The following HHIPL2 variants were observed in gnomAD, a reference collection of about 807,000 sequenced individuals.
HHIPL2 encodes the protein HHIP like 2.
A neutral mutation model predicts 61.0 loss-of-function variants in HHIPL2; 61 were observed. The ratio of observed to expected loss-of-function variants is 1.00; its 90% CI spans 0.81 to 1.24. The LOEUF is 1.24. Among genes scored for constraint, HHIPL2 ranks in the 50% most tolerant of loss-of-function variants. HHIPL2 has a pLI of 0.00. For synonymous variants in HHIPL2, 343 were observed against 357.4 expected, an observed-to-expected ratio of 0.96 and a Z score of 0.45; for missense variants, 885 against 910.2, an observed-to-expected ratio of 0.97 and a Z score of 0.36.
chr1:222,538,417 GAGAGAC>G (rs1237278635), intron 5 of HHIPL2, among the ~76,000 whole-genome samples: 3 of 120,996 alleles, frequency 2.5e-5, no homozygotes, highest in African/African-American at 1.0e-4. Flanking sequence ...TGGTATGAGA[GAGAGAC>G]AGAGAGAGAG....
At chr1:222,546,520 T>C (rs1409976913) in intron 1 of HHIPL2, among the ~76,000 whole-genome samples, 1 of 152,256 alleles carries the variant, frequency 6.6e-6, no homozygotes, top group Non-Finnish European at 1.5e-5. Context: ...ACAGAGCTGC[T>C]GACTTTGACT....
At chr1:222,544,928 T>C (rs1021382824) in intron 1 of HHIPL2, among the ~76,000 whole-genome samples, 2 of 152,262 alleles carry the variant, frequency 1.3e-5, no homozygotes. Context: ...CAGTGTTTAA[T>C]ATATGCAAAG....
chr1:222,533,528 C>G (rs1230817807), intron 5 of HHIPL2, among the ~76,000 whole-genome samples: 1 of 152,000 alleles, frequency 6.6e-6, no homozygotes, highest in Non-Finnish European at 1.5e-5. Context: ...AGGACCTGAC[C>G]AATTAGTAAC....
chr1:222,547,793 G>A lies in HHIPL2; in HGVS notation c.252C>T (p.Asp84=). The part of the protein sequence containing the change: ...KDRRIAARYW[D]IMEYFDLKRH... ...TCTTCAGATCAAAATATTCCATGATGTCCCAGTACCGGGCAGCGATGCGGC... is the reference window on the plus strand; with the variant it reads ...TCTTCAGATCAAAATATTCCATGATATCCCAGTACCGGGCAGCGATGCGGC... The change falls in exon 1 of 9, where the codon GAC becomes GAT. Residue 84 remains aspartate (D), a synonymous_variant. Coordinates refer to ENST00000343410, the MANE Select transcript of HHIPL2 (RefSeq NM_024746.4). 1.2e-6 allele frequency: 2 copies of A among 1,614,166 alleles called. No homozygotes were observed. Among genetic ancestry groups the A allele is most frequent in the South Asian group, 1.1e-5 (1 of 91,090 alleles).
chr1:222,528,819 A>ATT (rs1659127047), intron 6 of HHIPL2, among the ~76,000 whole-genome samples: 1 of 123,406 alleles, frequency 8.1e-6, no homozygotes, highest in African/African-American at 3.7e-5. Context: ...TTAAACAACT[A>ATT]ATTTTTTTTT....
chr1:222,522,478 C>G lies in HHIPL2; in HGVS notation c.*123G>C, dbSNP rs1658971822. The G allele has an allele frequency of 3.9e-6, 4 of 1,016,076 alleles. No homozygotes were observed. The highest frequency in any genetic ancestry group is 5.8e-6 in the Non-Finnish European group (4 of 691,454). 62.9% of individuals were successfully genotyped at this position (1,016,076 alleles called of 1,614,324 possible). A position where few individuals can be genotyped will look rare whatever the true frequency, so the allele number is the denominator to read the frequency against. ...GCAAGATTTCCCAGGGAGAGGAAAA[C>G]CGCCCTGCCCCACCTCTACCCTGGC... On this transcript the variant is annotated 3_prime_UTR_variant, in exon 9 of 9. Transcript: ENST00000343410.
Position 222,522,370 on chromosome 1 carries a change from C to A in HHIPL2, c.*231G>T. The A allele has an allele frequency of 1.7e-6, 1 of 572,466 alleles. No individual in the cohort carries two copies. Among genetic ancestry groups the A allele is most frequent in the Non-Finnish European group, 3.1e-6 (1 of 322,140 alleles). The allele number at this position is 572,466 out of a possible 1,614,324, so 35.5% of individuals were successfully genotyped here. On this transcript the variant is annotated 3_prime_UTR_variant, in exon 9 of 9. Coordinates refer to ENST00000343410, the MANE Select transcript of HHIPL2 (RefSeq NM_024746.4). ...GCTCATGGACTAGTGCTTACCATAA[C>A]CCAGGTGCACCAGCAATCTGGGATA...
intron 8 of HHIPL2, 38 bp downstream of exon 8, chr1:222,523,574 C>T (rs1658999329): frequency 1.3e-6 from 2 of 1,591,616 alleles, no homozygotes; most frequent in Non-Finnish European, 1.7e-6. Context: ...TTAGCCTCCA[C>T]ACCAAGGCCT....
Position 222,538,698 on chromosome 1 carries a change from A to G in HHIPL2, c.1527T>C (p.Cys509=), listed in dbSNP as rs1254375202. The G allele has an allele frequency of 6.2e-7, 1 of 1,614,044 alleles. No homozygotes were observed. The highest frequency in any genetic ancestry group is 8.5e-7 in the Non-Finnish European group (1 of 1,179,882). The change falls in exon 5 of 9, where the codon TGT becomes TGC. Residue 509 remains cysteine (C), a synonymous_variant. Coordinates refer to ENST00000343410, the MANE Select transcript of HHIPL2 (RefSeq NM_024746.4). Reference sequence around the variant, plus strand: ...ACAGGCCATTGAGATTTGGGGATTCACAACCACGATAGACATAACCTCCAG... The same window carrying G: ...ACAGGCCATTGAGATTTGGGGATTCGCAACCACGATAGACATAACCTCCAG... ...SVTGGYVYRG[C]ESPNLNGLYI...
In HHIPL2 at chr1:222,532,859, A is replaced by G. The variant is rs191327731; in HGVS notation, c.1578-748T>C. 2.0e-3 allele frequency among the ~76,000 whole-genome samples: 297 copies of G among 151,288 alleles called. 2 individuals carry two copies. Among genetic ancestry groups the G allele is most frequent in the African/African-American group, 7.0e-3 (288 of 41,118 alleles). ...GCACATAGTAAGGGTTAAAAAAACT[A>G]CTAACTGTTATTATTATTGCTGTAT... On this transcript the variant is annotated intron_variant, in intron 5 of 8. Transcript: ENST00000343410.
Position 222,539,991 on chromosome 1 carries a change from C to A in HHIPL2, c.1450+19G>T. ...CACTCAACTCATCCAAGAAATCACCCAGAGAGCTTCTTACTTACCCAAAGA... is the reference window on the plus strand; with the variant it reads ...CACTCAACTCATCCAAGAAATCACCAAGAGAGCTTCTTACTTACCCAAAGA... On this transcript the variant is annotated intron_variant, in intron 4 of 8. Coordinates refer to ENST00000343410, the MANE Select transcript of HHIPL2 (RefSeq NM_024746.4). 1 of 1,602,066 alleles carries A rather than the reference C, an allele frequency of 6.2e-7. No homozygotes were observed. Among genetic ancestry groups the A allele is most frequent in the Non-Finnish European group, 8.5e-7 (1 of 1,171,242 alleles).
In HHIPL2 at chr1:222,542,080, C is replaced by T; in HGVS notation, c.1050G>A (p.Met350Ile). ...GQLLFGLDGYMYIFTGDGGQA... is the reference protein window; with the variant it reads ...GQLLFGLDGYIYIFTGDGGQA... The stretch of plus-strand genomic sequence containing the variant: ...GTCCCCCGTCCCCAGTGAATATGTA[C>T]ATATAGCCATCCAGGCCAAAAAGAA... The change falls in exon 3 of 9, where the codon ATG (methionine) becomes ATA (isoleucine). Residue 350 changes from methionine (M) to isoleucine (I), a missense_variant. Physicochemically the swap from Met to Ile is conservative, Grantham distance 10. Transcript: ENST00000343410. The T allele has an allele frequency of 3.7e-6, 6 of 1,614,052 alleles. No homozygotes were observed. The highest frequency in any genetic ancestry group is 1.1e-5 in the South Asian group (1 of 91,068).
chr1:222,542,302 C>G, intron 2 of HHIPL2, 147 bp from the exon 3 acceptor site: 1 of 825,676 alleles, frequency 1.2e-6, no homozygotes, highest in Non-Finnish European at 1.9e-6. Flanking sequence ...GATCACAAAG[C>G]AAGTAGCTTT....
chr1:222,532,202 A>G (rs1659207492), intron 5 of HHIPL2, 91 bp from the exon 6 acceptor site: 1 of 1,207,766 alleles, frequency 8.3e-7, no homozygotes, highest in Non-Finnish European at 1.1e-6. Context: ...CCTGAGTACT[A>G]GGACTGAGTC....
intron 2 of HHIPL2, 37 bp from the exon 3 acceptor site, chr1:222,542,192 A>T (rs1328120033): frequency 3.7e-6 from 6 of 1,605,918 alleles, no homozygotes; most frequent in Non-Finnish European, 5.1e-6. Context: ...TTAGGATTTG[A>T]CACAAGCTGA....
At chr1:222,525,275 CT>C (rs1291253678) in intron 7 of HHIPL2, 1 of 152,172 alleles carries the variant, frequency 6.6e-6, no homozygotes, top group Non-Finnish European at 1.5e-5. Context: ...GGAAAGAGAA[CT>C]CCCCACCAAG....
intron 5 of HHIPL2, among the ~76,000 whole-genome samples, chr1:222,533,224 G>A (rs1033682185): frequency 1.3e-5 from 2 of 152,030 alleles, no homozygotes; most frequent in Non-Finnish European, 2.9e-5. Context: ...AATTAGCTGG[G>A]CGTGGTGTTG....
chr1:222,534,310 A>G (rs1249189369), intron 5 of HHIPL2, among the ~76,000 whole-genome samples: 4 of 152,248 alleles, frequency 2.6e-5, no homozygotes, highest in Non-Finnish European at 5.9e-5. Flanking sequence ...TACAACCCAT[A>G]ATAAAGAGTA....
At position 222,522,800 on chromosome 1, in the gene HHIPL2, C is replaced by A; in HGVS notation, c.1976G>T (p.Gly659Val). 2.5e-6 allele frequency: 4 copies of A among 1,614,186 alleles called. No individual in the cohort carries two copies. The highest frequency in any genetic ancestry group is 1.7e-5 in the Admixed American group (1 of 60,024). Residue 659 changes from glycine (G) to valine (V), a missense_variant, in exon 9 of 9, where the codon GGT becomes GTT. By Grantham distance (109) the Gly-to-Val change is moderately radical. Coordinates refer to ENST00000343410, the MANE Select transcript of HHIPL2 (RefSeq NM_024746.4). Reference protein sequence around the residue: ...SATLASGPAQGLSEKGSSKKL... With the variant: ...SATLASGPAQVLSEKGSSKKL... ...CTTGGAGGAGCCTTTCTCAGACAAACCCTGGGCTGGGCCAGAAGCTAAGGT... is the reference window on the plus strand; with the variant it reads ...CTTGGAGGAGCCTTTCTCAGACAAAACCTGGGCTGGGCCAGAAGCTAAGGT...
Sources: allele counts gnomAD v4.1 joint callset (sites outside exome capture counted in the v4.1 genomes callset), GRCh38; gene constraint gnomAD v4.1.1; transcripts MANE v1.5; gene names NCBI Gene and HGNC (gene_info 2026-07-23, HGNC 2026-07-21).